LYST: variants seen among roughly 807,000 people sequenced by gnomAD.
LYST encodes the protein lysosomal-trafficking regulator.
LYST carries 192 observed loss-of-function variants against 413.6 expected under a neutral mutation model. The ratio of observed to expected loss-of-function variants is 0.46; its 90% CI spans 0.41 to 0.52. The LOEUF (loss-of-function observed/expected upper bound fraction) is 0.52. Among genes scored for constraint, LYST ranks in the 20% least tolerant of loss-of-function variants. The probability of loss-of-function intolerance (pLI) is 0.00; values close to 1 mark genes in which losing one functional copy is unlikely to be tolerated. For missense variants in LYST, 3,815 were observed against 4,499.9 expected (o/e 0.85, Z 4.35); for synonymous variants, 1,525 against 1,567.3 (o/e 0.97, Z 0.64).
In LYST at chr1:235,755,621, T is replaced by C. The variant is rs2103331500; in HGVS notation, c.7086A>G (p.Ala2362=). 6.2e-7 allele frequency: 1 copy of C among 1,612,868 alleles called. No individual in the cohort carries two copies. Among genetic ancestry groups the C allele is most frequent in the Non-Finnish European group, 8.5e-7 (1 of 1,179,006 alleles). Residue 2362 remains alanine, a synonymous_variant, in exon 25 of 53, where the codon GCA becomes GCG. Transcript: ENST00000389793. ...IKLLDAYFAR[A]SKEQKDKFLK... Reference sequence around the variant, plus strand: ...GAAATTTATCTTTTTGTTCCTTAGATGCTCTAGCAAAATATGCATCTAATA... The same window carrying C: ...GAAATTTATCTTTTTGTTCCTTAGACGCTCTAGCAAAATATGCATCTAATA...
intron 3 of LYST, among the ~76,000 whole-genome samples, chr1:235,821,909 C>G (rs905877600): frequency 1.3e-5 from 2 of 152,118 alleles, no homozygotes; most frequent in African/African-American, 4.8e-5. Flanking sequence ...TTAGGTGGTG[C>G]CTAGTACACC....
chr1:235,865,910 G>C (rs1423942942), intron 1 of LYST, among the ~76,000 whole-genome samples: 2 of 152,112 alleles, frequency 1.3e-5, no homozygotes, highest in Non-Finnish European at 2.9e-5. Context: ...CAACACGAAC[G>C]CATTCAACAC....
chr1:235,859,129 A>G (rs913118349), intron 1 of LYST, among the ~76,000 whole-genome samples: 2 of 152,178 alleles, frequency 1.3e-5, no homozygotes, highest in Admixed American at 6.5e-5. Flanking sequence ...ATACTAACTT[A>G]TATCTATATC....
chr1:235,687,813 G>A (rs1660335292), intron 47 of LYST, among the ~76,000 whole-genome samples: 1 of 152,124 alleles, frequency 6.6e-6, no homozygotes, highest in Non-Finnish European at 1.5e-5. Context: ...CCTGTCTTCT[G>A]ATTCAGAGAA....
intron 16 of LYST, among the ~76,000 whole-genome samples, chr1:235,779,671 G>T (rs1407862218): frequency 6.6e-6 from 1 of 152,124 alleles, no homozygotes; most frequent in African/African-American, 2.4e-5. Context: ...GGACATTTAG[G>T]ATAGGATCAT....
At chr1:235,670,017 A>C (rs1183871312) in intron 50 of LYST, among the ~76,000 whole-genome samples, 1 of 152,150 alleles carries the variant, frequency 6.6e-6, no homozygotes, top group African/African-American at 2.4e-5. Flanking sequence ...AGAAATAATA[A>C]GTTTCTCTTC....
chr1:235,721,011 C>A, intron 39 of LYST, 106 bp from the exon 40 acceptor site: 1 of 1,179,804 alleles, frequency 8.5e-7, no homozygotes, highest in East Asian at 2.4e-5. Context: ...ATCTCATGTC[C>A]TCCAAAAAAA....
intron 14 of LYST, among the ~76,000 whole-genome samples, chr1:235,783,355 A>C (rs1167867916): frequency 6.6e-6 from 1 of 152,164 alleles, no homozygotes; most frequent in African/African-American, 2.4e-5. Flanking sequence ...GCTGTGACTG[A>C]AACTCTATTG....
At chr1:235,782,604 T>C (rs1288524886) in intron 14 of LYST, among the ~76,000 whole-genome samples, 1 of 152,188 alleles carries the variant, frequency 6.6e-6, no homozygotes, top group East Asian at 1.9e-4. Context: ...AGATACCTGA[T>C]GATCCCACGG....
At position 235,755,587 on chromosome 1, in the gene LYST, G is replaced by A. The variant is rs748978832; in HGVS notation, c.7120C>T (p.Arg2374Cys). 79 of 1,612,862 alleles carry A rather than the reference G, an allele frequency of 4.9e-5. No homozygotes were observed. Among genetic ancestry groups the A allele is most frequent in the Non-Finnish European group, 6.6e-5 (78 of 1,179,060 alleles). ...TGGTTGGCTAGCAAGGAAAATCCAC[G>A]ATTCTTCAGAAATTTATCTTTTTGT... Reference protein sequence around the residue: ...KEQKDKFLKNRGFSLLANQLY... With the variant: ...KEQKDKFLKNCGFSLLANQLY... Residue 2374 changes from arginine to cysteine, a missense_variant, in exon 25 of 53, where the codon CGT (arginine) becomes TGT (cysteine). Physicochemically the swap from Arg to Cys is radical, Grantham distance 180 (BLOSUM62 -3). This residue lies in a region of LYST where 771 missense variants were observed against 837.1 expected (regional missense o/e 0.92). Coordinates refer to ENST00000389793, the MANE Select transcript of LYST (RefSeq NM_000081.4).
intron 37 of LYST, among the ~76,000 whole-genome samples, chr1:235,728,502 A>G (rs997639067): frequency 6.6e-6 from 1 of 152,204 alleles, no homozygotes; most frequent in Non-Finnish European, 1.5e-5. Context: ...TTTGTTCCAC[A>G]CTAATTGAAG....
At chr1:235,848,012 C>T (rs907550173) in intron 1 of LYST, among the ~76,000 whole-genome samples, 1 of 152,138 alleles carries the variant, frequency 6.6e-6, no homozygotes, top group Non-Finnish European at 1.5e-5. Context: ...TGAATTTAAA[C>T]TATACCTTGG....
In LYST at chr1:235,720,658, T is replaced by C; in HGVS notation, c.9560+3A>G. The stretch of plus-strand genomic sequence containing the variant: ...CCTAAAGGTGATGATTCTTTTAACT[T>C]ACCTGTATATCAACAGATCATTGAG... On this transcript the variant is annotated splice_donor_region_variant and intron_variant, in intron 40 of 52. Coordinates refer to ENST00000389793, the MANE Select transcript of LYST (RefSeq NM_000081.4). The C allele has an allele frequency of 6.2e-7, 1 of 1,613,426 alleles. No homozygotes were observed. The highest frequency in any genetic ancestry group is 8.5e-7 in the Non-Finnish European group (1 of 1,179,410).
chr1:235,807,350 C>G (rs1427443587), intron 5 of LYST, among the ~76,000 whole-genome samples: 1 of 152,162 alleles, frequency 6.6e-6, no homozygotes, highest in African/African-American at 2.4e-5. Context: ...AGCTCTGTCT[C>G]AGGTGAGACT....
chr1:235,730,176 CTTCT>C (rs1475606225), intron 36 of LYST, among the ~76,000 whole-genome samples: 2 of 151,966 alleles, frequency 1.3e-5, no homozygotes, highest in African/African-American at 2.4e-5. Context: ...AGCCAATTAT[CTTCT>C]TTGTGTCTCA....
At chr1:235,869,151 AAAAAG>A (rs1276902240), upstream of LYST, among the ~76,000 whole-genome samples, 1 of 152,252 alleles carries the variant, frequency 6.6e-6, no homozygotes, top group African/African-American at 2.4e-5. Flanking sequence ...AAAAAGAAGA[AAAAAG>A]TAAAGTAATA....
intron 45 of LYST, 25 bp from the exon 46 acceptor site, chr1:235,697,297 A>G (rs192998138): frequency 3.8e-5 from 59 of 1,559,508 alleles, no homozygotes; most frequent in Admixed American, 1.4e-4. Flanking sequence ...AATAAAAAGT[A>G]TGGCTTTTTA....
At chr1:235,764,174 T>G (rs970340211) in intron 21 of LYST, among the ~76,000 whole-genome samples, 19 of 152,178 alleles carry the variant, frequency 1.2e-4, no homozygotes, top group Admixed American at 3.3e-4. Context: ...AGGCATCACT[T>G]CCTCTGGGAA....
Position 235,712,857 on chromosome 1 carries a change from C to T in LYST, c.9785-660G>A, listed in dbSNP as rs1016306850. 8 of 984,974 alleles carry T rather than the reference C, an allele frequency of 8.1e-6. No homozygotes were observed. In the African/African-American group the frequency reaches 1.0e-4, roughly 13 times the overall value. 61.0% of individuals were successfully genotyped at this position (984,974 alleles called of 1,614,324 possible). On this transcript the variant is annotated intron_variant, in intron 42 of 52. Transcript: ENST00000389793. ...TTAATAATAAAGAATTAAGTTTGGA[C>T]TCTCTTTTCTGCCAACAATGATCAG...
Sources: allele counts gnomAD v4.1 joint callset (sites outside exome capture counted in the v4.1 genomes callset), GRCh38; gene constraint gnomAD v4.1.1; regional missense constraint gnomAD v4.1.1; transcripts MANE v1.5; gene names NCBI Gene and HGNC (gene_info 2026-07-23, HGNC 2026-07-21).